The following DCAF6 variants were observed in gnomAD, a reference collection of about 807,000 sequenced individuals.
DCAF6 encodes the protein DDB1- and CUL4-associated factor 6.
DCAF6 carries 54 observed loss-of-function variants against 125.1 expected under a neutral mutation model. The ratio of observed to expected loss-of-function variants is 0.43; its 90% CI spans 0.35 to 0.54. The LOEUF is 0.54. DCAF6 is among the 20% of genes least tolerant of loss of function. DCAF6 has a pLI of 0.01. For synonymous variants in DCAF6, 371 were observed against 390.4 expected (o/e 0.95, Z 0.58); for missense variants, 934 against 1,161.7 (o/e 0.80, Z 2.85).
chr1:168,009,389 T>TTCTC (rs1553232858), intron 10 of DCAF6, among the ~76,000 whole-genome samples: 15 of 133,276 alleles, frequency 1.1e-4, no homozygotes, highest in African/African-American at 3.0e-4. Context: ...CTTCCTTCCT[T>TTCTC]TCTTTCTTTC....
At chr1:167,952,592 A>G (rs1316278286) in intron 2 of DCAF6, among the ~76,000 whole-genome samples, 6 of 152,042 alleles carry the variant, frequency 3.9e-5, no homozygotes, top group African/African-American at 9.7e-5. Flanking sequence ...TCCTATTTCA[A>G]TCCATTGACT....
At chr1:168,019,960 T>C (rs1370842021) in intron 11 of DCAF6, 2 of 153,582 alleles carry the variant, frequency 1.3e-5, no homozygotes, top group African/African-American at 2.4e-5. Flanking sequence ...TATATTAGTC[T>C]GGTTCTGCCA....
chr1:167,870,271 T>G, the DCAF6 span: 2 of 1,613,950 alleles, frequency 1.2e-6, no homozygotes, highest in African/African-American at 1.3e-5. Flanking sequence ...GATTCTTACC[T>G]TGGGCCAGGT....
chr1:167,888,891 G>GA, the DCAF6 span, among the ~76,000 whole-genome samples: 3 of 139,138 alleles, frequency 2.2e-5, no homozygotes, highest in Non-Finnish European at 3.1e-5. Context: ...AAAAAAAAAA[G>GA]AAAAAGAAAG....
chr1:167,897,479 AG>A, the DCAF6 span, among the ~76,000 whole-genome samples: 2 of 150,132 alleles, frequency 1.3e-5, no homozygotes, highest in Non-Finnish European at 3.0e-5. Context: ...ACTGGGTGAC[AG>A]AGTAAGATTC....
intron 17 of DCAF6, among the ~76,000 whole-genome samples, chr1:168,059,074 C>A (rs972718737): frequency 6.6e-6 from 1 of 151,734 alleles, no homozygotes; most frequent in Non-Finnish European, 1.5e-5. Flanking sequence ...TTTTATCAAT[C>A]TTTTATGCTT....
At chr1:168,036,260 G>A (rs994552870) in intron 12 of DCAF6, among the ~76,000 whole-genome samples, 1 of 152,092 alleles carries the variant, frequency 6.6e-6, no homozygotes, top group African/African-American at 2.4e-5. Context: ...ATCTATAACT[G>A]TCTCTTAAAT....
chr1:167,901,753 A>C, the DCAF6 span: 1 of 1,614,186 alleles, frequency 6.2e-7, no homozygotes, highest in Non-Finnish European at 8.5e-7. Context: ...CCACTGTGAT[A>C]ATGTTTTTCA....
the DCAF6 span, among the ~76,000 whole-genome samples, chr1:167,909,520 G>A: frequency 2.0e-5 from 3 of 151,942 alleles, no homozygotes; most frequent in Non-Finnish European, 2.9e-5. Flanking sequence ...ACACAAATTT[G>A]TAAACTTTCT....
At chr1:168,005,241 G>T (rs574612483) in intron 10 of DCAF6, among the ~76,000 whole-genome samples, 1 of 151,956 alleles carries the variant, frequency 6.6e-6, no homozygotes, top group East Asian at 1.9e-4. Context: ...CTCTATGGTG[G>T]ATTTGATATG....
At chr1:168,061,965 T>C (rs1299517513) in intron 17 of DCAF6, among the ~76,000 whole-genome samples, 1 of 152,102 alleles carries the variant, frequency 6.6e-6, no homozygotes, top group Admixed American at 6.5e-5. Context: ...CAAATGTGGA[T>C]AGTAGCCTAA....
At chr1:168,019,866 A>G (rs1174521587) in intron 11 of DCAF6, 1 of 162,790 alleles carries the variant, frequency 6.1e-6, no homozygotes, top group African/African-American at 2.4e-5. Context: ...CACAGTGTCC[A>G]TAATGACAGT....
upstream of DCAF6, chr1:167,935,925 T>C (rs1571528721): frequency 1.6e-5 from 17 of 1,081,216 alleles, no homozygotes; most frequent in Non-Finnish European, 2.2e-5. Context: ...GCTAGTCACT[T>C]TTCCTGCCAC....
intron 21 of DCAF6, among the ~76,000 whole-genome samples, chr1:168,074,584 A>G (rs1464216261): frequency 6.6e-6 from 1 of 152,198 alleles, no homozygotes; most frequent in Non-Finnish European, 1.5e-5. Flanking sequence ...GGTCTGCAGG[A>G]AGACATGCAA....
the DCAF6 span, chr1:167,920,445 TG>T: frequency 8.7e-7 from 1 of 1,146,276 alleles, no homozygotes. Context: ...CCTTTGTGTG[TG>T]GGTGTATTTC....
chr1:167,959,368 G>C (rs1475163925), intron 2 of DCAF6, among the ~76,000 whole-genome samples: 2 of 152,170 alleles, frequency 1.3e-5, no homozygotes, highest in Non-Finnish European at 2.9e-5. Context: ...GTGCACATAC[G>C]TTTACGTTCG....
At chr1:167,992,076 G>A (rs977604088) in intron 6 of DCAF6, among the ~76,000 whole-genome samples, 1 of 152,108 alleles carries the variant, frequency 6.6e-6, no homozygotes, top group Non-Finnish European at 1.5e-5. Flanking sequence ...TTAATGTGTA[G>A]CATATATTTA....
chr1:167,877,065 A>C, the DCAF6 span, among the ~76,000 whole-genome samples: 1 of 151,962 alleles, frequency 6.6e-6, no homozygotes, highest in Non-Finnish European at 1.5e-5. Context: ...ATTTGTGAGA[A>C]AAATAAATGT....
the DCAF6 span, among the ~76,000 whole-genome samples, chr1:167,865,602 G>A: frequency 6.6e-6 from 1 of 152,056 alleles, no homozygotes; most frequent in Non-Finnish European, 1.5e-5. Context: ...AATATAAAAT[G>A]GTGTTTAGCT....
Sources: gnomAD v4.1 joint callset for allele counts (sites outside exome capture counted in the v4.1 genomes callset) on GRCh38, gnomAD v4.1.1 for gene constraint, MANE v1.5 for transcripts, NCBI Gene and HGNC (gene_info 2026-07-23, HGNC 2026-07-21) for gene names.